The following ZFYVE9 variants were observed in gnomAD, a reference collection of about 807,000 sequenced individuals.
ZFYVE9 encodes the protein zinc finger FYVE domain-containing protein 9.
Under a neutral mutation model 126.7 loss-of-function variants are expected in ZFYVE9, and 43 were observed. The observed-to-expected ratio is 0.34, with a 90% CI of 0.27 to 0.44. ZFYVE9 has a LOEUF of 0.44. Among genes scored for constraint, ZFYVE9 ranks in the 20% least tolerant of loss-of-function variants. The probability of loss-of-function intolerance (pLI) is 1.00; values close to 1 mark genes in which losing one functional copy is unlikely to be tolerated. For missense variants in ZFYVE9, 1,476 were observed against 1,697.0 expected, an observed-to-expected ratio of 0.87 and a Z score of 2.29; for synonymous variants, 521 against 597.4, an observed-to-expected ratio of 0.87 and a Z score of 1.87.
chr1:52,318,359 A>C (rs993700817), intron 13 of ZFYVE9, among the ~76,000 whole-genome samples: 6 of 130,778 alleles, frequency 4.6e-5, no homozygotes, highest in African/African-American at 1.7e-4. Context: ...GATTAGAGAG[A>C]GCATGATTGT....
chr1:52,224,777 G>A (rs1383301208), intron 2 of ZFYVE9, among the ~76,000 whole-genome samples: 3 of 152,136 alleles, frequency 2.0e-5, no homozygotes, highest in Non-Finnish European at 2.9e-5. Context: ...TATAGTCCCT[G>A]TCTTACTTGG....
chr1:52,299,652 G>A (rs988486764), intron 12 of ZFYVE9, among the ~76,000 whole-genome samples: 7 of 152,200 alleles, frequency 4.6e-5, no homozygotes, highest in Non-Finnish European at 1.0e-4. Context: ...GGGCAGGGAG[G>A]TGCCATGTGA....
chr1:52,171,410 T>C (rs889086042), intron 1 of ZFYVE9, among the ~76,000 whole-genome samples: 2 of 152,226 alleles, frequency 1.3e-5, no homozygotes, highest in African/African-American at 4.8e-5. Context: ...TGTTGGACAT[T>C]TGGGTTGGTT....
intron 1 of ZFYVE9, among the ~76,000 whole-genome samples, chr1:52,152,541 A>G (rs368051307): frequency 2.0e-5 from 3 of 152,146 alleles, no homozygotes; most frequent in Non-Finnish European, 4.4e-5. Flanking sequence ...TTTCTAGTAT[A>G]TATCCTTTTG....
At chr1:52,263,745 T>C in intron 4 of ZFYVE9, 28 bp from the exon 5 acceptor site, 1 of 1,148,202 alleles carries the variant, frequency 8.7e-7, no homozygotes. Context: ...GTAAATTTTG[T>C]GTGTTCTTCC....
chr1:52,265,969 A>G (rs1645629177), intron 5 of ZFYVE9, among the ~76,000 whole-genome samples: 1 of 152,214 alleles, frequency 6.6e-6, no homozygotes, highest in Non-Finnish European at 1.5e-5. Flanking sequence ...CCAAGTTTCA[A>G]ATTCTTAAAG....
intron 2 of ZFYVE9, among the ~76,000 whole-genome samples, chr1:52,220,891 A>T (rs1367263303): frequency 3.9e-5 from 6 of 152,302 alleles, no homozygotes; most frequent in Admixed American, 3.3e-4. Context: ...TTTGATCTGC[A>T]AGGTTATTTC....
chr1:52,229,529 G>T (rs1645198598), intron 2 of ZFYVE9, among the ~76,000 whole-genome samples: 1 of 152,186 alleles, frequency 6.6e-6, no homozygotes, highest in Non-Finnish European at 1.5e-5. Context: ...TTTGATGCTT[G>T]TTTGAATCAG....
chr1:52,302,809 TTTAAAC>T (rs1646047823), intron 12 of ZFYVE9, among the ~76,000 whole-genome samples: 1 of 151,850 alleles, frequency 6.6e-6, no homozygotes, highest in Non-Finnish European at 1.5e-5. Flanking sequence ...CTCATCACTT[TTTAAAC>T]TGTTAACATC....
intron 1 of ZFYVE9, chr1:52,160,361 A>T (rs769893941): frequency 8.6e-7 from 1 of 1,162,600 alleles, no homozygotes; most frequent in African/African-American, 1.5e-5. Context: ...AAATTCATCA[A>T]CTTTTATCTT....
intron 1 of ZFYVE9, among the ~76,000 whole-genome samples, chr1:52,146,632 C>G (rs182630465): frequency 3.1e-3 from 468 of 152,032 alleles, no homozygotes; most frequent in Non-Finnish European, 4.3e-3. Context: ...TCCCATGAGT[C>G]CTGGTAAATC....
chr1:52,273,342 A>T (rs1307123612), intron 7 of ZFYVE9, among the ~76,000 whole-genome samples: 1 of 152,130 alleles, frequency 6.6e-6, no homozygotes, highest in East Asian at 1.9e-4. Context: ...TTTCATGTTT[A>T]AGTTATAGAG....
intron 1 of ZFYVE9, among the ~76,000 whole-genome samples, chr1:52,156,763 A>G (rs1374736942): frequency 1.3e-5 from 2 of 152,086 alleles, no homozygotes; most frequent in African/African-American, 4.8e-5. Context: ...TCTGTATACC[A>G]ATATCAAGTC....
chr1:52,198,038 A>G (rs1351616320), intron 1 of ZFYVE9, among the ~76,000 whole-genome samples: 1 of 152,148 alleles, frequency 6.6e-6, no homozygotes, highest in East Asian at 1.9e-4. Flanking sequence ...CTTTGGAAGA[A>G]AAGGGAGCCA....
intron 4 of ZFYVE9, chr1:52,253,596 G>T: frequency 9.1e-7 from 1 of 1,095,792 alleles, no homozygotes; most frequent in South Asian, 1.3e-5. Context: ...CCTGAGTTTT[G>T]GCAAGCAGCC....
At chr1:52,214,908 G>T (rs1369825140) in intron 1 of ZFYVE9, among the ~76,000 whole-genome samples, 1 of 152,100 alleles carries the variant, frequency 6.6e-6, no homozygotes, top group African/African-American at 2.4e-5. Flanking sequence ...CGTCCTCAAT[G>T]GATTGGATCA....
chr1:52,147,892 T>C (rs993461792), intron 1 of ZFYVE9, among the ~76,000 whole-genome samples: 11 of 152,154 alleles, frequency 7.2e-5, no homozygotes, highest in African/African-American at 2.7e-4. Context: ...GTTTTTTTGA[T>C]TATAACCATC....
At chr1:52,342,140 C>T (rs992600733) in intron 17 of ZFYVE9, among the ~76,000 whole-genome samples, 3 of 152,220 alleles carry the variant, frequency 2.0e-5, no homozygotes, top group Non-Finnish European at 2.9e-5. Context: ...CCAGTGCATC[C>T]AGGTACGGGG....
intron 10 of ZFYVE9, among the ~76,000 whole-genome samples, chr1:52,282,976 T>A (rs2147818281): frequency 6.6e-6 from 1 of 152,348 alleles, no homozygotes; most frequent in Admixed American, 6.5e-5. Flanking sequence ...ATGTCTTCAT[T>A]AGTCTCTACA....
Sources: gnomAD v4.1 joint callset for allele counts (sites outside exome capture counted in the v4.1 genomes callset) on GRCh38, gnomAD v4.1.1 for gene constraint, MANE v1.5 for transcripts, NCBI Gene and HGNC (gene_info 2026-07-23, HGNC 2026-07-21) for gene names.